Variants in ITPR1 observed in about 807,000 individuals in gnomAD.
The protein encoded by ITPR1 is inositol 1,4,5-trisphosphate receptor type 1.
A neutral mutation model predicts 318.4 loss-of-function variants in ITPR1; 96 were observed. The observed-to-expected ratio is 0.30, with a 90% CI of 0.26 to 0.36. ITPR1 has a LOEUF of 0.36. Among genes scored for constraint, ITPR1 ranks in the 10% least tolerant of loss-of-function variants. The pLI is 1.00. For synonymous variants in ITPR1, 1,312 were observed against 1,289.9 expected, an observed-to-expected ratio of 1.02 and a Z score of -0.37; for missense variants, 2,440 against 3,460.2, an observed-to-expected ratio of 0.71 and a Z score of 7.40.
intron 33 of ITPR1, among the ~76,000 whole-genome samples, chr3:4,694,658 A>T (rs1391705934): frequency 6.6e-6 from 1 of 152,184 alleles, no homozygotes; most frequent in East Asian, 1.9e-4. Context: ...TGACTGTCTC[A>T]GTACCGAAGG....
intron 5 of ITPR1, among the ~76,000 whole-genome samples, chr3:4,636,187 T>A (rs765126679): frequency 4.6e-5 from 7 of 152,128 alleles, no homozygotes; most frequent in African/African-American, 4.8e-5. Context: ...AAAACTAACA[T>A]GTGAACTGAA....
Position 4,619,729 on chromosome 3 carries a change from T to TCC in ITPR1, c.164-8034_164-8033insCC, listed in dbSNP as rs1491217157. Reference sequence around the variant, plus strand: ...TCCTCTGCTCTCCCCTGCTCTCCTCTGCTCTCCCCTGCTCTCCTCTGCCCT... The same window carrying TCC: ...TCCTCTGCTCTCCCCTGCTCTCCTCTCCGCTCTCCCCTGCTCTCCTCTGCCCT... On this transcript the variant is annotated intron_variant, in intron 4 of 61. Transcript: ENST00000649015. Among the ~76,000 whole-genome samples the TCC allele has an allele frequency of 2.6e-4, 6 of 22,768 alleles. 2 individuals carry two copies. Among genetic ancestry groups the TCC allele is most frequent in the African/African-American group, 4.6e-4 (2 of 4,382 alleles). The allele number at this position is 22,768 out of a possible 152,430, so 14.9% of individuals were successfully genotyped here. A position where few individuals can be genotyped will look rare whatever the true frequency, so the allele number is the denominator to read the frequency against.
chr3:4,814,611 GTT>G, intron 58 of ITPR1, 49 bp downstream of exon 58: 4 of 707,936 alleles, frequency 5.7e-6, no homozygotes, highest in Non-Finnish European at 9.5e-6. Flanking sequence ...GGGTGGGGTG[GTT>G]GGTGGGAGCA....
chr3:4,583,475 A>C (rs530117140), intron 4 of ITPR1, among the ~76,000 whole-genome samples: 2 of 152,242 alleles, frequency 1.3e-5, no homozygotes, highest in South Asian at 4.1e-4. Flanking sequence ...TGAGTGCGTT[A>C]CAGGCCTCTC....
intron 4 of ITPR1, among the ~76,000 whole-genome samples, chr3:4,525,302 A>C (rs560264234): frequency 7.9e-5 from 12 of 152,336 alleles, no homozygotes; most frequent in African/African-American, 2.6e-4. Context: ...AGTACACAGT[A>C]GTTGTTCAGT....
chr3:4,581,517 G>T (rs1315892884), intron 4 of ITPR1, among the ~76,000 whole-genome samples: 1 of 152,152 alleles, frequency 6.6e-6, no homozygotes, highest in Non-Finnish European at 1.5e-5. Flanking sequence ...AATCTATATT[G>T]GGAGCCATCT....
At chr3:4,664,416 C>T (rs1188418401) in intron 16 of ITPR1, among the ~76,000 whole-genome samples, 3 of 152,178 alleles carry the variant, frequency 2.0e-5, no homozygotes, top group Admixed American at 6.5e-5. Context: ...TTCCTGGCCA[C>T]CAAAGCTAAA....
intron 61 of ITPR1, among the ~76,000 whole-genome samples, chr3:4,843,024 T>C (rs2051467906): frequency 6.6e-6 from 1 of 151,850 alleles, no homozygotes; most frequent in African/African-American, 2.4e-5. Flanking sequence ...TCCAGAATTG[T>C]TGGCCTCAGT....
chr3:4,699,682 A>T (rs2094613013), intron 34 of ITPR1, 131 bp from the exon 35 acceptor site: 1 of 747,032 alleles, frequency 1.3e-6, no homozygotes, highest in Non-Finnish European at 2.2e-6. Context: ...TGATTCCTTA[A>T]GGGGAGAAAT....
chr3:4,788,041 A>G lies in ITPR1; in HGVS notation c.6710A>G (p.Tyr2237Cys). The G allele has an allele frequency of 1.2e-6, 2 of 1,612,868 alleles. No individual in the cohort carries two copies. The highest frequency in any genetic ancestry group is 1.7e-6 in the Non-Finnish European group (2 of 1,179,322). The change falls in exon 52 of 62, where the codon TAT (tyrosine) becomes TGT (cysteine). Residue 2237 changes from tyrosine to cysteine, a missense_variant. Tyr to Cys is a radical substitution (Grantham distance 194). This residue lies in a region of ITPR1 where 115 missense variants were observed against 204.5 expected (regional missense o/e 0.56). Coordinates refer to ENST00000649015, the MANE Select transcript of ITPR1 (RefSeq NM_001378452.1). ...LTKESKLRIY[Y>C]TTERDEQGSK... ...AAGGAGTCAAAACTACGAATTTACTATACTACAGAGAGAGACGAACAAGGC... is the reference window on the plus strand; with the variant it reads ...AAGGAGTCAAAACTACGAATTTACTGTACTACAGAGAGAGACGAACAAGGC...
intron 12 of ITPR1, among the ~76,000 whole-genome samples, chr3:4,655,987 C>G (rs1239925538): frequency 1.3e-5 from 2 of 152,144 alleles, no homozygotes; most frequent in Non-Finnish European, 2.9e-5. Flanking sequence ...GATTGGTTTC[C>G]CTAAGAACAG....
chr3:4,558,695 C>T (rs954398439), intron 4 of ITPR1, among the ~76,000 whole-genome samples: 2 of 152,140 alleles, frequency 1.3e-5, no homozygotes, highest in Non-Finnish European at 2.9e-5. Flanking sequence ...TATGTCTTCT[C>T]TGGAGAGGCA....
chr3:4,680,376 T>C (rs2125227385), intron 24 of ITPR1, among the ~76,000 whole-genome samples, 177 bp from the exon 25 acceptor site: 1 of 152,286 alleles, frequency 6.6e-6, no homozygotes, highest in Middle Eastern at 3.4e-3. Flanking sequence ...ATATGCCCCA[T>C]GGAAGTCTGC....
chr3:4,697,795 A>C (rs940151918), intron 34 of ITPR1, among the ~76,000 whole-genome samples: 5 of 152,090 alleles, frequency 3.3e-5, no homozygotes, highest in African/African-American at 1.2e-4. Context: ...GATGTTATTT[A>C]TCAATCTGCA....
Position 4,699,896 on chromosome 3 carries a change from T to G in ITPR1, c.4491T>G (p.Thr1497=). The G allele has an allele frequency of 3.7e-6, 6 of 1,613,824 alleles. No individual in the cohort carries two copies. Among genetic ancestry groups the G allele is most frequent in the Non-Finnish European group, 5.1e-6 (6 of 1,179,704 alleles). ...YVTEIVMSIV[T]TFFSSPFSDQ... Reference sequence around the variant, plus strand: ...CCGAAATCGTCATGAGTATTGTTACTACTTTCTTCAGCTCTCCCTTCTCAG... The same window carrying G: ...CCGAAATCGTCATGAGTATTGTTACGACTTTCTTCAGCTCTCCCTTCTCAG... The change falls in exon 35 of 62, where the codon ACT becomes ACG. Residue 1497 remains threonine, a synonymous_variant. Coordinates refer to ENST00000649015, the MANE Select transcript of ITPR1 (RefSeq NM_001378452.1).
chr3:4,568,206 A>C (rs908539774), intron 4 of ITPR1, among the ~76,000 whole-genome samples: 2 of 152,220 alleles, frequency 1.3e-5, no homozygotes, highest in Non-Finnish European at 2.9e-5. Flanking sequence ...TGTTGTGGAG[A>C]ACCTCAGAAG....
At chr3:4,570,089 T>G (rs1276730531) in intron 4 of ITPR1, among the ~76,000 whole-genome samples, 1 of 152,192 alleles carries the variant, frequency 6.6e-6, no homozygotes, top group Non-Finnish European at 1.5e-5. Context: ...GGCTTACTAT[T>G]TCAGTATAGA....
At chr3:4,570,201 G>A (rs967525230) in intron 4 of ITPR1, among the ~76,000 whole-genome samples, 4 of 152,118 alleles carry the variant, frequency 2.6e-5, no homozygotes, top group African/African-American at 9.7e-5. Flanking sequence ...TTAAGTTCCC[G>A]AGCCTCATGA....
intron 4 of ITPR1, among the ~76,000 whole-genome samples, chr3:4,615,986 T>G (rs1000065859): frequency 6.6e-6 from 1 of 152,188 alleles, no homozygotes; most frequent in Non-Finnish European, 1.5e-5. Flanking sequence ...TCTATGTTTT[T>G]TGCAGATGGG....
Sources: gnomAD v4.1 joint callset for allele counts (sites outside exome capture counted in the v4.1 genomes callset) on GRCh38, gnomAD v4.1.1 for gene constraint, gnomAD v4.1.1 regional missense constraint, MANE v1.5 for transcripts, NCBI Gene and HGNC (gene_info 2026-07-23, HGNC 2026-07-21) for gene names.